TSNARE1: variants seen among roughly 807,000 people sequenced by gnomAD.
TSNARE1 encodes the protein t-SNARE domain containing 1.
Under a neutral mutation model 62.0 loss-of-function variants are expected in TSNARE1, and 49 were observed. The observed-to-expected ratio is 0.79, with a 90% CI of 0.63 to 1.00. The LOEUF is 1.00. TSNARE1 is among the 50% of genes least tolerant of loss of function. The probability of loss-of-function intolerance (pLI) is 0.00; values close to 1 mark genes in which losing one functional copy is unlikely to be tolerated. For missense variants in TSNARE1, 755 were observed against 700.1 expected (o/e 1.08, Z -0.88); for synonymous variants, 328 against 294.4 (o/e 1.11, Z -1.17).
At chr8:142,325,591 G>A (rs1830095543) in intron 6 of TSNARE1, among the ~76,000 whole-genome samples, 1 of 152,148 alleles carries the variant, frequency 6.6e-6, no homozygotes, top group South Asian at 2.1e-4. Flanking sequence ...GGGTCCTGGA[G>A]GTCCCTTCCT....
chr8:142,344,620 TC>T, intron 3 of TSNARE1, 148 bp from the exon 4 acceptor site: 2 of 846,874 alleles, frequency 2.4e-6, no homozygotes, highest in Non-Finnish European at 3.4e-6. Context: ...CTGCTGGGTG[TC>T]CAGAGACCTG....
intron 1 of TSNARE1, among the ~76,000 whole-genome samples, chr8:142,391,616 C>T (rs749940236): frequency 7.9e-5 from 12 of 152,252 alleles, no homozygotes; most frequent in African/African-American, 1.2e-4. Flanking sequence ...AGCGCCACCA[C>T]GTTCCCCTCA....
At chr8:142,241,897 C>A (rs7846122) in intron 12 of TSNARE1, among the ~76,000 whole-genome samples, 57,682 of 127,862 alleles carry the variant, frequency 0.45, 13,292 homozygotes, top group African/African-American at 0.58. Flanking sequence ...AAACTCTAAA[C>A]CTACGATCTC....
intron 3 of TSNARE1, among the ~76,000 whole-genome samples, chr8:142,344,774 G>A (rs377511577): frequency 2.0e-5 from 3 of 152,190 alleles, no homozygotes; most frequent in Non-Finnish European, 4.4e-5. Context: ...TGCAGGAGCC[G>A]AGCAGGCTAG....
At chr8:142,346,321 G>A (rs9644553) in intron 2 of TSNARE1, among the ~76,000 whole-genome samples, 42,520 of 152,186 alleles carry the variant, frequency 0.28, 7,735 homozygotes, top group African/African-American at 0.52. Flanking sequence ...GTGCCACTCC[G>A]TAGCGTATGG....
chr8:142,376,263 T>C (rs1273675761), intron 1 of TSNARE1, among the ~76,000 whole-genome samples: 1 of 152,170 alleles, frequency 6.6e-6, no homozygotes, highest in East Asian at 1.9e-4. Flanking sequence ...GTGCCCTGTT[T>C]TCCCCTGAGG....
At chr8:142,338,799 C>A (rs1158397089) in intron 4 of TSNARE1, among the ~76,000 whole-genome samples, 6 of 152,222 alleles carry the variant, frequency 3.9e-5, no homozygotes, top group African/African-American at 1.4e-4. Context: ...GCAATGCTAA[C>A]CCCGTCCCAC....
chr8:142,273,022 TTCACGGCCGCC>T, intron 12 of TSNARE1: 1 of 985,456 alleles, frequency 1.0e-6, no homozygotes, highest in Non-Finnish European at 1.2e-6. Context: ...CAGAGGTGAC[TTCACGGCCGCC>T]TCCTGGGCCT....
chr8:142,330,688 C>T (rs1030032206), intron 6 of TSNARE1, among the ~76,000 whole-genome samples: 1 of 152,254 alleles, frequency 6.6e-6, no homozygotes, highest in African/African-American at 2.4e-5. Context: ...CTGTGGAGGG[C>T]ACCTGCAGGC....
At chr8:142,231,423 T>C (rs1404274028) in intron 12 of TSNARE1, among the ~76,000 whole-genome samples, 1 of 151,492 alleles carries the variant, frequency 6.6e-6, no homozygotes, top group Admixed American at 6.6e-5. Context: ...GGTTGGGGGG[T>C]GGCCAGAAGG....
intron 1 of TSNARE1, among the ~76,000 whole-genome samples, chr8:142,372,765 T>TGC (rs1836004690): frequency 6.6e-6 from 1 of 152,194 alleles, no homozygotes; most frequent in South Asian, 2.1e-4. Context: ...TTCCCTGCTG[T>TGC]GCCTCTCCCA....
intron 1 of TSNARE1, among the ~76,000 whole-genome samples, chr8:142,394,298 G>C (rs1266966604): frequency 6.6e-6 from 1 of 152,206 alleles, no homozygotes; most frequent in East Asian, 1.9e-4. Flanking sequence ...CCAGGGTGTG[G>C]GCACCCCACA....
chr8:142,243,436 C>G (rs1817752574), intron 12 of TSNARE1, among the ~76,000 whole-genome samples: 1 of 152,178 alleles, frequency 6.6e-6, no homozygotes, highest in South Asian at 2.1e-4. Flanking sequence ...AGGAAATCCT[C>G]TCATTCGTGA....
chr8:142,330,862 C>T (rs1272492811), intron 6 of TSNARE1, 39 bp downstream of exon 6: 1 of 1,608,672 alleles, frequency 6.2e-7, no homozygotes, highest in East Asian at 2.2e-5. Flanking sequence ...CAATGTGCAC[C>T]ACGCCCAGGC....
chr8:142,249,240 C>T (rs1476843249), intron 12 of TSNARE1, among the ~76,000 whole-genome samples: 1 of 152,210 alleles, frequency 6.6e-6, no homozygotes, highest in East Asian at 1.9e-4. Context: ...GTCATCCGGA[C>T]GGGGTGAGGG....
chr8:142,241,227 T>A (rs1245257304), intron 12 of TSNARE1, among the ~76,000 whole-genome samples: 2 of 152,108 alleles, frequency 1.3e-5, no homozygotes, highest in African/African-American at 2.4e-5. Flanking sequence ...ACACTAACAA[T>A]GAACTATCCA....
chr8:142,222,471 TCCAC>T (rs1170838247), intron 13 of TSNARE1, among the ~76,000 whole-genome samples: 2,254 of 18,652 alleles, frequency 0.12, 1 homozygote, highest in Middle Eastern at 0.21. Flanking sequence ...CATCCACTCA[TCCAC>T]TCACTCACTC....
intron 12 of TSNARE1, among the ~76,000 whole-genome samples, chr8:142,252,078 C>A (rs1447095781): frequency 1.3e-5 from 2 of 150,844 alleles, no homozygotes; most frequent in Non-Finnish European, 3.0e-5. Context: ...GCACCATGTA[C>A]CCACCGCTCG....
chr8:142,354,777 G>T lies in TSNARE1; in HGVS notation c.-39-14C>A. 1.4e-6 allele frequency: 2 copies of T among 1,449,314 alleles called. No individual in the cohort carries two copies. Among genetic ancestry groups the T allele is most frequent in the South Asian group, 1.1e-5 (1 of 87,608 alleles). 89.8% of individuals were successfully genotyped at this position (1,449,314 alleles called of 1,614,324 possible). ...CTCCACACTGAGCTGGAGGAAACAC[G>T]AAAAGCAGGGGGAAGAGGGGGAAGA... On this transcript the variant is annotated splice_polypyrimidine_tract_variant and intron_variant, in intron 1 of 13. Coordinates refer to ENST00000524325, the MANE Select transcript of TSNARE1 (RefSeq NM_145003.5).
Sources: gnomAD v4.1 joint callset for allele counts (sites outside exome capture counted in the v4.1 genomes callset) on GRCh38, gnomAD v4.1.1 for gene constraint, MANE v1.5 for transcripts, NCBI Gene and HGNC (gene_info 2026-07-23, HGNC 2026-07-21) for gene names.